Variants in ADAMTS12 observed in about 807,000 individuals in gnomAD.
The protein encoded by ADAMTS12 is ADAM metallopeptidase with thrombospondin type 1 motif 12, also known as A disintegrin and metalloproteinase with thrombospondin motifs 12.
In ADAMTS12, 118 loss-of-function variants were observed where a neutral mutation model predicts 167.8. The observed-to-expected ratio is 0.70, with a 90% CI of 0.61 to 0.82. The LOEUF is 0.82. ADAMTS12 is among the 40% of genes least tolerant of loss of function. The probability of loss-of-function intolerance (pLI) is 0.00; values close to 1 mark genes in which losing one functional copy is unlikely to be tolerated. For synonymous variants in ADAMTS12, 704 were observed against 716.9 expected (o/e 0.98, Z 0.29); for missense variants, 1,916 against 1,998.8 (o/e 0.96, Z 0.79).
intron 3 of ADAMTS12, among the ~76,000 whole-genome samples, chr5:33,700,806 A>G (rs1029749974): frequency 1.3e-5 from 2 of 152,232 alleles, no homozygotes; most frequent in Admixed American, 6.5e-5. Context: ...TGAGGGGTAC[A>G]TGAGATCTCT....
At chr5:33,862,952 T>A (rs1258644902) in intron 2 of ADAMTS12, among the ~76,000 whole-genome samples, 1 of 152,094 alleles carries the variant, frequency 6.6e-6, no homozygotes, top group Non-Finnish European at 1.5e-5. Flanking sequence ...CACATGATTA[T>A]CTCAATAGAT....
At chr5:33,651,050 C>A (rs902974711) in intron 7 of ADAMTS12, among the ~76,000 whole-genome samples, 1 of 152,136 alleles carries the variant, frequency 6.6e-6, no homozygotes, top group Non-Finnish European at 1.5e-5. Flanking sequence ...TAATCACATT[C>A]CACATGAATA....
chr5:33,597,683 ATTTT>A (rs68042107), intron 16 of ADAMTS12, among the ~76,000 whole-genome samples: 10 of 150,406 alleles, frequency 6.6e-5, no homozygotes, highest in South Asian at 2.1e-4. Flanking sequence ...AAAAAGAACA[ATTTT>A]TTTTTTTTGA....
intron 11 of ADAMTS12, among the ~76,000 whole-genome samples, chr5:33,640,570 T>A (rs1257810930): frequency 6.6e-6 from 1 of 152,186 alleles, no homozygotes. Flanking sequence ...CAAAATACTC[T>A]ATGAGAAACT....
At chr5:33,780,444 T>G (rs1746084544) in intron 2 of ADAMTS12, among the ~76,000 whole-genome samples, 1 of 152,176 alleles carries the variant, frequency 6.6e-6, no homozygotes, top group African/African-American at 2.4e-5. Flanking sequence ...AAGAAACATG[T>G]GCATGATCTT....
chr5:33,861,224 TACAC>T (rs1488042437), intron 2 of ADAMTS12, among the ~76,000 whole-genome samples: 1 of 152,048 alleles, frequency 6.6e-6, no homozygotes. Context: ...ACAATTAAAA[TACAC>T]AGACTGGCAA....
intron 2 of ADAMTS12, among the ~76,000 whole-genome samples, chr5:33,865,596 T>C (rs1749787999): frequency 6.6e-6 from 1 of 152,134 alleles, no homozygotes; most frequent in African/African-American, 2.4e-5. Context: ...CCATTCAACA[T>C]ACTACTGGAA....
At chr5:33,774,022 C>T (rs1745832585) in intron 2 of ADAMTS12, among the ~76,000 whole-genome samples, 1 of 152,114 alleles carries the variant, frequency 6.6e-6, no homozygotes, top group Non-Finnish European at 1.5e-5. Context: ...GGGGAGGTTA[C>T]TTCCATTTAA....
At chr5:33,582,167 T>G (rs1246501556) in intron 18 of ADAMTS12, among the ~76,000 whole-genome samples, 1 of 152,126 alleles carries the variant, frequency 6.6e-6, no homozygotes, top group East Asian at 1.9e-4. Flanking sequence ...TTAAAACAAA[T>G]CAGACCTGAG....
chr5:33,690,581 C>T (rs1742514153), intron 3 of ADAMTS12, among the ~76,000 whole-genome samples: 1 of 152,128 alleles, frequency 6.6e-6, no homozygotes, highest in Admixed American at 6.5e-5. Flanking sequence ...ATTTGGGACA[C>T]ATGACTCTTC....
Position 33,576,694 on chromosome 5 carries a change from G to A in ADAMTS12, c.3332C>T (p.Thr1111Ile), listed in dbSNP as rs1306622471. 1.2e-6 allele frequency: 2 copies of A among 1,614,210 alleles called. No individual in the cohort carries two copies. The highest frequency in any genetic ancestry group is 2.2e-5 in the East Asian group (1 of 44,886). ...PSEENVSSSDTGPTSEGGLVA... is the reference protein window; with the variant it reads ...PSEENVSSSDIGPTSEGGLVA... Reference sequence around the variant, plus strand: ...AAGGCCTCCCTCCGAGGTAGGACCAGTATCTGAACTGGAAACATTTTCCTC... The same window carrying A: ...AAGGCCTCCCTCCGAGGTAGGACCAATATCTGAACTGGAAACATTTTCCTC... Residue 1111 changes from threonine (T) to isoleucine (I), a missense_variant, in exon 19 of 24, where the codon ACT becomes ATT. Coordinates refer to ENST00000504830, the MANE Select transcript of ADAMTS12 (RefSeq NM_030955.4).
At chr5:33,617,672 A>G (rs1349775139) in intron 14 of ADAMTS12, among the ~76,000 whole-genome samples, 1 of 152,124 alleles carries the variant, frequency 6.6e-6, no homozygotes, top group Non-Finnish European at 1.5e-5. Flanking sequence ...ATCTGCAGTC[A>G]TTTTCATACT....
chr5:33,764,976 C>G (rs983233837), intron 2 of ADAMTS12, among the ~76,000 whole-genome samples: 46 of 152,242 alleles, frequency 3.0e-4, no homozygotes, highest in African/African-American at 1.0e-3. Context: ...AAAACCAACC[C>G]ACTACAAACA....
intron 3 of ADAMTS12, among the ~76,000 whole-genome samples, chr5:33,719,824 T>C (rs370251505): frequency 7.9e-5 from 12 of 152,356 alleles, no homozygotes; most frequent in African/African-American, 2.4e-4. Context: ...GGATGCTGTA[T>C]ACTTTTTAAA....
At chr5:33,627,112 T>A (rs1739687759) in intron 13 of ADAMTS12, among the ~76,000 whole-genome samples, 1 of 144,150 alleles carries the variant, frequency 6.9e-6, no homozygotes, top group South Asian at 2.2e-4. Context: ...ATGATGGTTG[T>A]GGTGGTGGTG....
rs147655542 is a variant in ADAMTS12, at chr5:33,836,305, G to A, written c.489+44814C>T. ...GACTTGAAAGGTCCCAGGCAGCCCCGGACCTGAAGGCTCATCAGGCTGGAC... is the reference window on the plus strand; with the variant it reads ...GACTTGAAAGGTCCCAGGCAGCCCCAGACCTGAAGGCTCATCAGGCTGGAC... On this transcript the variant is annotated intron_variant, in intron 2 of 23. Coordinates refer to ENST00000504830, the MANE Select transcript of ADAMTS12 (RefSeq NM_030955.4). Among the ~76,000 whole-genome samples the A allele has an allele frequency of 1.6e-4, 25 of 152,182 alleles. No homozygotes were observed. In the South Asian group the frequency reaches 4.0e-3, roughly 24 times the overall value.
intron 19 of ADAMTS12, among the ~76,000 whole-genome samples, chr5:33,563,483 T>TGG (rs1169809849): frequency 2.0e-5 from 3 of 152,162 alleles, no homozygotes; most frequent in African/African-American, 7.2e-5. Flanking sequence ...GGATGAGGGC[T>TGG]CATTACACCT....
intron 2 of ADAMTS12, among the ~76,000 whole-genome samples, chr5:33,820,479 C>T (rs1747828301): frequency 6.6e-6 from 1 of 152,076 alleles, no homozygotes; most frequent in Admixed American, 6.6e-5. Flanking sequence ...GGCATTTGCA[C>T]AACATCTAAA....
chr5:33,661,954 G>A lies in ADAMTS12; in HGVS notation c.1002C>T (p.Leu334=). 2.5e-6 allele frequency: 4 copies of A among 1,613,512 alleles called. No homozygotes were observed. Among genetic ancestry groups the A allele is most frequent in the South Asian group, 2.2e-5 (2 of 91,082 alleles). ...CAGCCACGTCGTGATGAACAGGATT[G>A]AGGTCACTCTTGGGATTGATACTCT... ...WQKSINPKSD[L]NPVHHDVAVL... is the part of the protein sequence containing the mutation. The change falls in exon 6 of 24, where the codon CTC becomes CTT. Residue 334 remains leucine (L), a synonymous_variant. Coordinates refer to ENST00000504830, the MANE Select transcript of ADAMTS12 (RefSeq NM_030955.4).
Sources: gnomAD v4.1 joint callset for allele counts (sites outside exome capture counted in the v4.1 genomes callset) on GRCh38, gnomAD v4.1.1 for gene constraint, MANE v1.5 for transcripts, NCBI Gene and HGNC (gene_info 2026-07-23, HGNC 2026-07-21) for gene names.